SLC24A2: variants seen among roughly 807,000 people sequenced by gnomAD.
SLC24A2 encodes solute carrier family 24 member 2, also known as sodium/potassium/calcium exchanger 2.
Under a neutral mutation model 62.0 loss-of-function variants are expected in SLC24A2, and 36 were observed. That is an observed-to-expected ratio of 0.58 (90% confidence interval 0.44 to 0.77). SLC24A2 has a LOEUF of 0.77. Among genes scored for constraint, SLC24A2 ranks in the 30% least tolerant of loss-of-function variants. The pLI is 0.00. For synonymous variants in SLC24A2, 358 were observed against 294.0 expected (o/e 1.22, Z -2.23); for missense variants, 846 against 817.9 (o/e 1.03, Z -0.42).
the SLC24A2 span, among the ~76,000 whole-genome samples, chr9:20,175,311 A>C: frequency 6.6e-6 from 1 of 152,028 alleles, no homozygotes; most frequent in South Asian, 2.1e-4. Flanking sequence ...GTGTGCACCA[A>C]AATCTCACCA....
chr9:19,930,168 G>C, the SLC24A2 span, among the ~76,000 whole-genome samples: 1 of 152,016 alleles, frequency 6.6e-6, no homozygotes, highest in African/African-American at 2.4e-5. Flanking sequence ...TAATGTCCTA[G>C]GTCTTCACAT....
Position 19,520,615 on chromosome 9 carries a change from G to T in SLC24A2, c.1736+279C>A, listed in dbSNP as rs146000514. Reference sequence around the variant, plus strand: ...GGTATCTCAGTTCCACTTGAATGTTGTTATATAAGTGAAATTCTAAAGTAT... The same window carrying T: ...GGTATCTCAGTTCCACTTGAATGTTTTTATATAAGTGAAATTCTAAAGTAT... On this transcript the variant is annotated intron_variant, in intron 10 of 10. Transcript: ENST00000341998. Among the ~76,000 whole-genome samples the T allele has an allele frequency of 1.0e-3, 159 of 151,996 alleles. 1 individual carries two copies. The highest frequency in any genetic ancestry group is 3.7e-3 in the African/African-American group (153 of 41,448).
At chr9:20,128,357 G>T in the SLC24A2 span, among the ~76,000 whole-genome samples, 2 of 151,994 alleles carry the variant, frequency 1.3e-5, no homozygotes, top group Non-Finnish European at 2.9e-5. Context: ...TTTATTGTTG[G>T]ATCTTATGTC....
the SLC24A2 span, among the ~76,000 whole-genome samples, chr9:19,966,881 G>C: frequency 1.3e-5 from 2 of 152,140 alleles, no homozygotes; most frequent in African/African-American, 2.4e-5. Context: ...GCTGAACAGA[G>C]ATGACTACAA....
the SLC24A2 span, among the ~76,000 whole-genome samples, chr9:19,803,746 C>T: frequency 6.6e-6 from 1 of 152,056 alleles, no homozygotes; most frequent in African/African-American, 2.4e-5. Context: ...CAGTTGTCAG[C>T]TTATGGTGCT....
At chr9:20,233,667 T>G in the SLC24A2 span, among the ~76,000 whole-genome samples, 1 of 152,248 alleles carries the variant, frequency 6.6e-6, no homozygotes, top group Non-Finnish European at 1.5e-5. Context: ...TGACGGGTCT[T>G]GAATCTTTAT....
chr9:19,575,001 T>C (rs1402855978), intron 6 of SLC24A2, among the ~76,000 whole-genome samples: 1 of 152,156 alleles, frequency 6.6e-6, no homozygotes, highest in East Asian at 1.9e-4. Flanking sequence ...ACTAGACATT[T>C]CCATCACTGG....
the SLC24A2 span, among the ~76,000 whole-genome samples, chr9:19,922,821 T>C: frequency 6.6e-6 from 1 of 152,138 alleles, no homozygotes; most frequent in African/African-American, 2.4e-5. Flanking sequence ...TGTCTGAGTC[T>C]CAGGTGATCA....
chr9:19,636,273 CTTCTCTTCTTCTCTTCTTTTCTT>C (rs1564009347), intron 2 of SLC24A2, among the ~76,000 whole-genome samples: 1 of 30,348 alleles, frequency 3.3e-5, no homozygotes, highest in African/African-American at 1.1e-4. Context: ...TTCTTCTCTT[CTTCTCTTCTTCTCTTCTTTTCTT>C]TTCTTTTCTT....
intron 2 of SLC24A2, among the ~76,000 whole-genome samples, chr9:19,665,622 T>A (rs938902253): frequency 6.6e-6 from 1 of 152,022 alleles, no homozygotes; most frequent in South Asian, 2.1e-4. Flanking sequence ...GGTTTCAGTT[T>A]CCTTATTTGT....
chr9:20,174,601 T>C, the SLC24A2 span, among the ~76,000 whole-genome samples: 2 of 151,626 alleles, frequency 1.3e-5, no homozygotes, highest in African/African-American at 2.4e-5. Flanking sequence ...TATGAAAAAA[T>C]GCTCAACATC....
intron 9 of SLC24A2, among the ~76,000 whole-genome samples, chr9:19,525,080 G>C (rs1158660718): frequency 6.6e-6 from 1 of 152,170 alleles, no homozygotes; most frequent in Non-Finnish European, 1.5e-5. Context: ...CCAGGTGTTG[G>C]TAGCAAATGT....
chr9:20,210,889 G>A, the SLC24A2 span, among the ~76,000 whole-genome samples: 1 of 151,852 alleles, frequency 6.6e-6, no homozygotes, highest in Non-Finnish European at 1.5e-5. Flanking sequence ...TTTGACATGT[G>A]ATTATCATCA....
chr9:20,145,317 G>A, the SLC24A2 span, among the ~76,000 whole-genome samples: 1 of 151,930 alleles, frequency 6.6e-6, no homozygotes, highest in Non-Finnish European at 1.5e-5. Flanking sequence ...GGGTTATAGT[G>A]GGGGATATAA....
the SLC24A2 span, among the ~76,000 whole-genome samples, chr9:20,280,376 C>T: frequency 6.6e-6 from 1 of 152,170 alleles, no homozygotes; most frequent in Non-Finnish European, 1.5e-5. Context: ...ATTGAAGCAG[C>T]TTCCATCTGA....
At chr9:19,950,406 G>A in the SLC24A2 span, among the ~76,000 whole-genome samples, 1 of 152,120 alleles carries the variant, frequency 6.6e-6, no homozygotes, top group Non-Finnish European at 1.5e-5. Context: ...GGCCAGCAAG[G>A]TTTTTGCATA....
At position 19,632,978 on chromosome 9, in the gene SLC24A2, A is replaced by G. The variant is rs553521638; in HGVS notation, c.931-10679T>C. 6.6e-6 allele frequency among the ~76,000 whole-genome samples: 1 copy of G among 152,230 alleles called. No homozygotes were observed. The highest frequency in any genetic ancestry group is 6.5e-5 in the Admixed American group (1 of 15,290). On this transcript the variant is annotated intron_variant, in intron 2 of 10. Coordinates refer to ENST00000341998, the MANE Select transcript of SLC24A2 (RefSeq NM_020344.4). The surrounding 1 kb of genome is among the most constrained non-coding windows in gnomAD (Gnocchi z 4.5). ...CCTTTAGGTCTACACCCATTCCCAC[A>G]CCTGCCTGCTAATCCCTGGCAACCA...
At chr9:19,571,005 A>G (rs142562369) in intron 7 of SLC24A2, among the ~76,000 whole-genome samples, 4 of 152,318 alleles carry the variant, frequency 2.6e-5, no homozygotes, top group African/African-American at 9.6e-5. Context: ...GAGAGGGGTC[A>G]TCTGGGACTC....
chr9:19,992,660 A>T, the SLC24A2 span, among the ~76,000 whole-genome samples: 1 of 152,346 alleles, frequency 6.6e-6, no homozygotes, highest in East Asian at 1.9e-4. Context: ...AATTCATCTC[A>T]GTTGACTGGG....
Sources: gnomAD v4.1 joint callset for allele counts (sites outside exome capture counted in the v4.1 genomes callset) on GRCh38, gnomAD v4.1.1 for gene constraint, Gnocchi (gnomAD v3.1) non-coding constraint, MANE v1.5 for transcripts, NCBI Gene and HGNC (gene_info 2026-07-23, HGNC 2026-07-21) for gene names.